ZNF827: variants seen among roughly 807,000 people sequenced by gnomAD.
ZNF827 encodes the protein zinc finger protein 827.
Under a neutral mutation model 102.4 loss-of-function variants are expected in ZNF827, and 13 were observed. That is an observed-to-expected ratio of 0.13 (90% CI 0.08 to 0.20). The LOEUF (loss-of-function observed/expected upper bound fraction) is 0.20. ZNF827 is among the 10% of genes least tolerant of loss of function. The probability of loss-of-function intolerance (pLI) is 1.00; values close to 1 mark genes in which losing one functional copy is unlikely to be tolerated. For missense variants in ZNF827, 1,103 were observed against 1,344.4 expected, an observed-to-expected ratio of 0.82 and a Z score of 2.81; for synonymous variants, 523 against 536.2, an observed-to-expected ratio of 0.98 and a Z score of 0.34.
chr4:145,919,972 T>C (rs1579572202), intron 1 of ZNF827, among the ~76,000 whole-genome samples: 1 of 152,354 alleles, frequency 6.6e-6, no homozygotes, highest in South Asian at 2.1e-4. Flanking sequence ...TATCCTGCTA[T>C]ACACTAGGCC....
chr4:145,834,649 T>C (rs1744624070), intron 7 of ZNF827, among the ~76,000 whole-genome samples: 1 of 152,118 alleles, frequency 6.6e-6, no homozygotes, highest in African/African-American at 2.4e-5. Context: ...AGATAGCGTT[T>C]AGGCTCTTTT....
At chr4:145,874,111 A>G (rs1263495311) in intron 4 of ZNF827, among the ~76,000 whole-genome samples, 1 of 152,192 alleles carries the variant, frequency 6.6e-6, no homozygotes, top group Middle Eastern at 3.2e-3. Context: ...AGTGGTTTCT[A>G]GAAGCATTAG....
chr4:145,842,437 C>T (rs1745514149), intron 7 of ZNF827, among the ~76,000 whole-genome samples: 1 of 152,200 alleles, frequency 6.6e-6, no homozygotes, highest in African/African-American at 2.4e-5. Context: ...TCCCATGACT[C>T]ACTGGCAAGC....
intron 2 of ZNF827, among the ~76,000 whole-genome samples, chr4:145,900,396 T>C (rs1431190024): frequency 6.6e-6 from 1 of 152,018 alleles, no homozygotes; most frequent in Admixed American, 6.6e-5. Context: ...AATATACATA[T>C]ATATAATTAT....
intron 4 of ZNF827, among the ~76,000 whole-genome samples, chr4:145,877,211 T>C (rs1446006951): frequency 3.9e-5 from 6 of 152,192 alleles, no homozygotes; most frequent in Non-Finnish European, 7.3e-5. Context: ...TCATTAATGA[T>C]AGAACCAGAA....
intron 4 of ZNF827, among the ~76,000 whole-genome samples, chr4:145,884,822 T>C (rs553785020): frequency 6.6e-6 from 1 of 152,206 alleles, no homozygotes; most frequent in Non-Finnish European, 1.5e-5. Context: ...CATCTTTTTT[T>C]CCCAAATGGA....
chr4:145,827,485 C>T (rs946410940), intron 7 of ZNF827, among the ~76,000 whole-genome samples: 2 of 152,190 alleles, frequency 1.3e-5, no homozygotes, highest in African/African-American at 4.8e-5. Context: ...TGGGCCTGGT[C>T]AATTTGCAAC....
intron 7 of ZNF827, among the ~76,000 whole-genome samples, chr4:145,838,573 A>C (rs544788732): frequency 6.6e-6 from 1 of 152,234 alleles, no homozygotes; most frequent in South Asian, 2.1e-4. Flanking sequence ...TTCAATAACA[A>C]GGGACTGATT....
chr4:145,858,288 G>A (rs1277929461), intron 5 of ZNF827, among the ~76,000 whole-genome samples: 2 of 151,626 alleles, frequency 1.3e-5, no homozygotes, highest in African/African-American at 2.4e-5. Flanking sequence ...AAAATGAGAC[G>A]GTACATTAAA....
intron 8 of ZNF827, among the ~76,000 whole-genome samples, chr4:145,820,248 A>G (rs1049649148): frequency 6.6e-6 from 1 of 152,260 alleles, no homozygotes; most frequent in Non-Finnish European, 1.5e-5. Flanking sequence ...TAGAAGGTAC[A>G]TAACTATATA....
At chr4:145,930,151 A>G (rs1753697192) in intron 1 of ZNF827, among the ~76,000 whole-genome samples, 1 of 152,214 alleles carries the variant, frequency 6.6e-6, no homozygotes, top group Non-Finnish European at 1.5e-5. Context: ...GCTTTTTAAA[A>G]TACAGCACCA....
chr4:145,782,245 A>G (rs1738177655), intron 8 of ZNF827, among the ~76,000 whole-genome samples: 1 of 152,190 alleles, frequency 6.6e-6, no homozygotes, highest in South Asian at 2.1e-4. Flanking sequence ...ATCCCAGAAC[A>G]TGACCTCGAA....
chr4:145,847,025 G>C (rs112407942), intron 6 of ZNF827, among the ~76,000 whole-genome samples: 1 of 151,884 alleles, frequency 6.6e-6, no homozygotes, highest in East Asian at 1.9e-4. Flanking sequence ...GTGATGGCGC[G>C]TGCCTGTAGT....
intron 4 of ZNF827, among the ~76,000 whole-genome samples, chr4:145,874,708 C>T (rs1447236513): frequency 1.3e-5 from 2 of 152,182 alleles, no homozygotes; most frequent in African/African-American, 2.4e-5. Flanking sequence ...AAGATTTGTG[C>T]AGGTGCGGAA....
At position 145,902,512 on chromosome 4, in the gene ZNF827, G is replaced by A; in HGVS notation, c.747C>T (p.Ala249=). 1 of 1,614,134 alleles carries A rather than the reference G, an allele frequency of 6.2e-7. No homozygotes were observed. The highest frequency in any genetic ancestry group is 8.5e-7 in the Non-Finnish European group (1 of 1,180,028). ...SFSSPFSSQS[A]SSTLAALSKK... ...TGGACAAAGCGGCCAAGGTAGAACT[G>A]GCAGACTGGGAGCTAAAAGGGGAGG... The change falls in exon 2 of 15, where the codon GCC becomes GCT. Residue 249 remains alanine, a synonymous_variant. Coordinates refer to ENST00000508784, the MANE Select transcript of ZNF827 (RefSeq NM_001306215.2). This position sits in a 1 kb window ranked among gnomAD's most constrained non-coding sequence, Gnocchi z 4.3.
intron 4 of ZNF827, among the ~76,000 whole-genome samples, chr4:145,883,019 C>T (rs1023335880): frequency 1.3e-5 from 2 of 151,138 alleles, no homozygotes; most frequent in Admixed American, 1.3e-4. Context: ...GTGAGAGCAG[C>T]TATCAAACGT....
chr4:145,805,488 A>C (rs538585918), intron 8 of ZNF827, among the ~76,000 whole-genome samples: 1 of 152,356 alleles, frequency 6.6e-6, no homozygotes, highest in East Asian at 1.9e-4. Flanking sequence ...TATTAAAGGA[A>C]CATGCACAGA....
chr4:145,789,660 C>T (rs1739398323), intron 8 of ZNF827, among the ~76,000 whole-genome samples: 1 of 152,158 alleles, frequency 6.6e-6, no homozygotes, highest in South Asian at 2.1e-4. Context: ...TGTCTGACTA[C>T]AAAGCCCATA....
chr4:145,791,275 G>A (rs970090072), intron 8 of ZNF827, among the ~76,000 whole-genome samples: 10 of 152,168 alleles, frequency 6.6e-5, no homozygotes, highest in African/African-American at 2.2e-4. Flanking sequence ...GAAGAGGCAA[G>A]GGGTCTTTTA....
Sources: gnomAD v4.1 joint callset for allele counts (sites outside exome capture counted in the v4.1 genomes callset) on GRCh38, gnomAD v4.1.1 for gene constraint, Gnocchi (gnomAD v3.1) non-coding constraint, MANE v1.5 for transcripts, NCBI Gene and HGNC (gene_info 2026-07-23, HGNC 2026-07-21) for gene names.